STARD3NL: variants seen among roughly 807,000 people sequenced by gnomAD.
STARD3NL encodes the protein STARD3 N-terminal-like protein.
A neutral mutation model predicts 30.9 loss-of-function variants in STARD3NL; 17 were observed. The observed-to-expected ratio is 0.55, with a 90% confidence interval of 0.38 to 0.82. The LOEUF (loss-of-function observed/expected upper bound fraction) is 0.82. Ranked by LOEUF, STARD3NL falls within the 40% of genes least tolerant of loss-of-function variation. The probability of loss-of-function intolerance (pLI) is 0.00; values close to 1 mark genes in which losing one functional copy is unlikely to be tolerated. For missense variants in STARD3NL, 234 were observed against 277.6 expected, an observed-to-expected ratio of 0.84 and a Z score of 1.12; for synonymous variants, 112 against 100.5, an observed-to-expected ratio of 1.11 and a Z score of -0.69.
At chr7:38,216,457 C>CTGTG (rs3217069) in intron 4 of STARD3NL, 19,579 of 148,928 alleles carry the variant, frequency 0.13, 1,281 homozygotes, top group East Asian at 0.15. Context: ...CCAAGCAGCT[C>CTGTG]TGTGTGTGTG....
intron 3 of STARD3NL, 132 bp downstream of exon 3, chr7:38,214,566 A>G (rs1425701818): frequency 7.3e-6 from 4 of 545,866 alleles, no homozygotes; most frequent in South Asian, 5.3e-5. Context: ...TTTTCTTTTA[A>G]TTCCCCACCC....
rs1248183351 is a variant in STARD3NL, at chr7:38,178,400, G to T, written c.-79G>T. 1.3e-5 allele frequency: 2 copies of T among 152,196 alleles called. No homozygotes were observed. The highest frequency in any genetic ancestry group is 6.5e-5 in the Admixed American group (1 of 15,284). The allele number at this position is 152,196 out of a possible 1,614,324, so 9.4% of individuals were successfully genotyped here. On this transcript the variant is annotated 5_prime_UTR_variant, in exon 1 of 9. Transcript: ENST00000009041. ...GTTCCCGGGCCAGCCTGGGGCGGCCGGCCAGGAACCACCCGTTAAGGTAGG... is the reference window on the plus strand; with the variant it reads ...GTTCCCGGGCCAGCCTGGGGCGGCCTGCCAGGAACCACCCGTTAAGGTAGG...
chr7:38,219,670 TTGA>T lies in STARD3NL; in HGVS notation c.649+12_649+14del. On this transcript the variant is annotated intron_variant, in intron 7 of 8. Coordinates refer to ENST00000009041, the MANE Select transcript of STARD3NL (RefSeq NM_032016.4). ...CCTGAATCCGAAGCAGGTAAAAAAC[TTGA>T]TTATTATTTGTGCTTGTATCTCTCA... 1 of 1,606,794 alleles carries T rather than the reference TTGA, an allele frequency of 6.2e-7. No individual in the cohort carries two copies. Among genetic ancestry groups the T allele is most frequent in the Non-Finnish European group, 8.5e-7 (1 of 1,174,026 alleles).
At chr7:38,193,004 A>T (rs1204880021) in intron 1 of STARD3NL, among the ~76,000 whole-genome samples, 1 of 151,504 alleles carries the variant, frequency 6.6e-6, no homozygotes, top group Non-Finnish European at 1.5e-5. Flanking sequence ...TTCCCTCTCT[A>T]TGTGTTTCTC....
chr7:38,180,865 A>T (rs535447650), intron 1 of STARD3NL, among the ~76,000 whole-genome samples: 1 of 152,358 alleles, frequency 6.6e-6, no homozygotes, highest in South Asian at 2.1e-4. Flanking sequence ...AAAATAATGC[A>T]TCTAATGGCC....
chr7:38,226,158 T>C (rs1368960313), intron 7 of STARD3NL, among the ~76,000 whole-genome samples: 1 of 149,958 alleles, frequency 6.7e-6, no homozygotes, highest in East Asian at 1.9e-4. Flanking sequence ...TCTTGTTTTT[T>C]TTTTTTTTTT....
chr7:38,183,791 G>C (rs1784340430), intron 1 of STARD3NL, among the ~76,000 whole-genome samples: 1 of 152,182 alleles, frequency 6.6e-6, no homozygotes, highest in African/African-American at 2.4e-5. Flanking sequence ...ACAGGGACCT[G>C]ACCTAAAATA....
At chr7:38,196,755 A>G (rs1411585894) in intron 1 of STARD3NL, among the ~76,000 whole-genome samples, 1 of 152,200 alleles carries the variant, frequency 6.6e-6, no homozygotes, top group Non-Finnish European at 1.5e-5. Context: ...ATTTCTCTAT[A>G]TAGTAGCTTT....
chr7:38,187,857 C>T (rs1283047114), intron 1 of STARD3NL, among the ~76,000 whole-genome samples: 1 of 152,144 alleles, frequency 6.6e-6, no homozygotes, highest in Admixed American at 6.5e-5. Flanking sequence ...CTAAATAGCA[C>T]ATCCATCCTT....
At chr7:38,220,628 T>C (rs980196698) in intron 7 of STARD3NL, among the ~76,000 whole-genome samples, 3 of 152,222 alleles carry the variant, frequency 2.0e-5, no homozygotes, top group Non-Finnish European at 4.4e-5. Flanking sequence ...ATTCAACACT[T>C]CTACCCCTGG....
At chr7:38,222,530 T>C (rs1484650154) in intron 7 of STARD3NL, among the ~76,000 whole-genome samples, 1 of 152,234 alleles carries the variant, frequency 6.6e-6, no homozygotes, top group Non-Finnish European at 1.5e-5. Context: ...TTTCTAAGAC[T>C]AATACAGGTT....
intron 1 of STARD3NL, among the ~76,000 whole-genome samples, chr7:38,186,286 G>A (rs1231347248): frequency 6.6e-6 from 1 of 152,178 alleles, no homozygotes; most frequent in Non-Finnish European, 1.5e-5. Flanking sequence ...TAGCCATCAG[G>A]TATTTTATAA....
At chr7:38,195,670 A>G (rs1313320779) in intron 1 of STARD3NL, among the ~76,000 whole-genome samples, 4 of 152,230 alleles carry the variant, frequency 2.6e-5, no homozygotes, top group Non-Finnish European at 5.9e-5. Context: ...GTAAGTTTAT[A>G]AAGAGATACT....
intron 7 of STARD3NL, among the ~76,000 whole-genome samples, chr7:38,221,691 TC>T (rs1386421745): frequency 6.6e-6 from 1 of 152,208 alleles, no homozygotes; most frequent in Non-Finnish European, 1.5e-5. Flanking sequence ...AGTCCCCTGC[TC>T]AAAAGCCTTC....
intron 1 of STARD3NL, among the ~76,000 whole-genome samples, chr7:38,185,632 A>T (rs1474530610): frequency 1.3e-5 from 2 of 152,190 alleles, no homozygotes; most frequent in Non-Finnish European, 2.9e-5. Context: ...ATTTTCAGGA[A>T]CACTTATCTC....
At chr7:38,182,820 C>A (rs1784303705) in intron 1 of STARD3NL, among the ~76,000 whole-genome samples, 1 of 152,154 alleles carries the variant, frequency 6.6e-6, no homozygotes, top group Admixed American at 6.5e-5. Context: ...TTCTTCCTCT[C>A]TAGTTACAGT....
At chr7:38,203,837 T>C (rs1785306924) in intron 1 of STARD3NL, among the ~76,000 whole-genome samples, 1 of 152,108 alleles carries the variant, frequency 6.6e-6, no homozygotes, top group African/African-American at 2.4e-5. Context: ...TCTTAGGCTC[T>C]CATAAAACAG....
intron 1 of STARD3NL, among the ~76,000 whole-genome samples, chr7:38,187,400 T>C (rs1465607044): frequency 3.9e-5 from 6 of 152,230 alleles, no homozygotes; most frequent in Non-Finnish European, 7.3e-5. Flanking sequence ...TTTTTTTCCC[T>C]CTCTTCAGTC....
chr7:38,216,457 C>CTGTGTGTGTGTG (rs3217069), intron 4 of STARD3NL: 231 of 149,002 alleles, frequency 1.6e-3, no homozygotes, highest in African/African-American at 5.2e-3. Context: ...CCAAGCAGCT[C>CTGTGTGTGTGTG]TGTGTGTGTG....
Sources: gnomAD v4.1 joint callset for allele counts (sites outside exome capture counted in the v4.1 genomes callset) on GRCh38, gnomAD v4.1.1 for gene constraint, MANE v1.5 for transcripts, NCBI Gene and HGNC (gene_info 2026-07-23, HGNC 2026-07-21) for gene names.